Variants in INTS14 observed in about 807,000 individuals in gnomAD.
INTS14 encodes the protein integrator complex subunit 14, also known as UPF0464 protein C15orf44.
INTS14 carries 27 observed loss-of-function variants against 56.9 expected under a neutral mutation model. The observed-to-expected ratio is 0.47, with a 90% CI of 0.35 to 0.65. The LOEUF is 0.65. INTS14 is among the 30% of genes least tolerant of loss of function. The pLI is 0.00. For missense variants in INTS14, 517 were observed against 632.2 expected (o/e 0.82, Z 1.95); for synonymous variants, 207 against 236.2 (o/e 0.88, Z 1.13).
intron 8 of INTS14, among the ~76,000 whole-genome samples, chr15:65,592,948 A>G (rs772653923): frequency 1.6e-4 from 25 of 152,088 alleles, no homozygotes; most frequent in Non-Finnish European, 2.9e-4. Context: ...GGGATGATTA[A>G]AAGAGTAGTT....
intron 2 of INTS14, among the ~76,000 whole-genome samples, chr15:65,605,935 T>A (rs1054166510): frequency 6.6e-5 from 10 of 152,094 alleles, no homozygotes; most frequent in African/African-American, 1.4e-4. Flanking sequence ...CTAATTTTTT[T>A]AAAAAAAGCT....
At chr15:65,602,303 T>G (rs1330443381) in intron 3 of INTS14, among the ~76,000 whole-genome samples, 1 of 136,440 alleles carries the variant, frequency 7.3e-6, no homozygotes, top group African/African-American at 2.8e-5. Flanking sequence ...TTTTTTTTTT[T>G]AAGACAGAGT....
chr15:65,608,840 T>A (rs2073749253), intron 1 of INTS14, among the ~76,000 whole-genome samples: 1 of 152,222 alleles, frequency 6.6e-6, no homozygotes, highest in Non-Finnish European at 1.5e-5. Flanking sequence ...GTAGCCAGAT[T>A]ACTTGTTTAA....
At chr15:65,590,147 G>A (rs1462554805) in intron 9 of INTS14, among the ~76,000 whole-genome samples, 2 of 152,028 alleles carry the variant, frequency 1.3e-5, no homozygotes, top group African/African-American at 4.8e-5. Context: ...CCACGGTCTG[G>A]CTCTCATCTT....
At chr15:65,596,781 G>C (rs889779850) in intron 6 of INTS14, among the ~76,000 whole-genome samples, 2 of 152,082 alleles carry the variant, frequency 1.3e-5, no homozygotes, top group Non-Finnish European at 2.9e-5. Context: ...TGTTGGTCAG[G>C]CTGGTCTCCC....
intron 3 of INTS14, among the ~76,000 whole-genome samples, chr15:65,601,598 C>T (rs370276123): frequency 1.4e-4 from 22 of 152,174 alleles, no homozygotes; most frequent in African/African-American, 5.1e-4. Context: ...GCCTCGGCCT[C>T]CCAAAGTGCT....
chr15:65,595,373 A>G (rs2073175573), intron 7 of INTS14, among the ~76,000 whole-genome samples: 1 of 152,246 alleles, frequency 6.6e-6, no homozygotes, highest in African/African-American at 2.4e-5. Context: ...CCGTGTATAA[A>G]GCTGTATTTG....
Position 65,598,740 on chromosome 15 carries a change from T to C in INTS14, c.605+132A>G, listed in dbSNP as rs139762990. ...AAAAAACCATTACTACCCATCACTT[T>C]ATCTGAAAAATGTACAACTTGGGGA... is the stretch of plus-strand genomic sequence containing the variant. On this transcript the variant is annotated intron_variant, in intron 5 of 11. Transcript: ENST00000313182. The C allele has an allele frequency of 1.7e-3, 1,429 of 830,088 alleles. 10 individuals are homozygous for C. The African/African-American group carries it at 0.022, about 13-fold the overall frequency. The allele number at this position is 830,088 out of a possible 1,614,324, so 51.4% of individuals were successfully genotyped here.
At chr15:65,591,215 G>A (rs372852968) in intron 9 of INTS14, among the ~76,000 whole-genome samples, 150 of 152,036 alleles carry the variant, frequency 9.9e-4, no homozygotes, top group African/African-American at 3.5e-3. Flanking sequence ...AAGTCAAATC[G>A]GTACCAGAAG....
chr15:65,606,403 T>G lies in INTS14; in HGVS notation c.222+756A>C, dbSNP rs375300192. Among the ~76,000 whole-genome samples the G allele has an allele frequency of 2.7e-3, 414 of 152,032 alleles. 1 individual carries two copies. Among genetic ancestry groups the G allele is most frequent in the Middle Eastern group, 0.01 (3 of 294 alleles). On this transcript the variant is annotated intron_variant, in intron 2 of 11. Transcript: ENST00000313182. ...TGTTCAGTTTAATTCCACAAATGCT[T>G]CTTCTTTTTTTTTTTCCTTCTTTTT...
chr15:65,609,912 T>C (rs1215638785), intron 1 of INTS14, among the ~76,000 whole-genome samples: 1 of 152,156 alleles, frequency 6.6e-6, no homozygotes, highest in African/African-American at 2.4e-5. Context: ...AAGACACCTC[T>C]GGAGCTGGCT....
intron 7 of INTS14, 77 bp downstream of exon 7, chr15:65,595,656 C>T: frequency 8.5e-7 from 1 of 1,178,738 alleles, no homozygotes; most frequent in East Asian, 2.5e-5. Context: ...GCAAAATGGG[C>T]TATCCTACTA....
chr15:65,580,615 A>G (rs927670452), intron 11 of INTS14, among the ~76,000 whole-genome samples: 1 of 152,206 alleles, frequency 6.6e-6, no homozygotes, highest in African/African-American at 2.4e-5. Context: ...CAGTGACATA[A>G]AGGTAATGAG....
chr15:65,595,875 A>G, intron 6 of INTS14, 50 bp from the exon 7 acceptor site: 1 of 1,384,614 alleles, frequency 7.2e-7, no homozygotes, highest in Non-Finnish European at 1.0e-6. Context: ...GGAAAAGTAC[A>G]TTATTTTCCA....
chr15:65,579,415 C>A lies in INTS14; in HGVS notation c.1550G>T (p.Arg517Ile), dbSNP rs2072494445. The change falls in exon 12 of 12, where the codon AGA (arginine) becomes ATA (isoleucine). Residue 517 changes from arginine (R) to isoleucine (I), a missense_variant. Transcript: ENST00000313182. ...AAGCTCCAAAAGTCAGTTTCAAATT[C>A]TTTCAGTGCTGCTCCCAGAGAAGTC... ...HTDFSGSSTERI is the reference protein window; with the variant it reads ...HTDFSGSSTEII The A allele has an allele frequency of 2.5e-6, 4 of 1,606,876 alleles. No homozygotes were observed. Among genetic ancestry groups the A allele is most frequent in the Non-Finnish European group, 3.4e-6 (4 of 1,174,680 alleles).
chr15:65,601,070 C>T (rs372396493), intron 3 of INTS14, among the ~76,000 whole-genome samples: 232 of 152,298 alleles, frequency 1.5e-3, no homozygotes, highest in African/African-American at 4.2e-3. Context: ...ACAAACTCTA[C>T]GCCTGGTCAA....
chr15:65,590,762 C>T (rs548337004), intron 9 of INTS14, among the ~76,000 whole-genome samples: 1 of 152,296 alleles, frequency 6.6e-6, no homozygotes, highest in South Asian at 2.1e-4. Flanking sequence ...ATCCCTTAGG[C>T]CTGGCACAGA....
chr15:65,602,120 C>A (rs2073456546), intron 3 of INTS14, among the ~76,000 whole-genome samples: 1 of 151,980 alleles, frequency 6.6e-6, no homozygotes, highest in Non-Finnish European at 1.5e-5. Flanking sequence ...TCCTGCAGTC[C>A]CAGCTACTCA....
intron 10 of INTS14, among the ~76,000 whole-genome samples, chr15:65,582,861 C>G (rs1333841765): frequency 3.3e-5 from 5 of 151,746 alleles, no homozygotes; most frequent in African/African-American, 1.2e-4. Context: ...AAAGACAAAC[C>G]CAATTAAAAA....
Sources: gnomAD v4.1 joint callset for allele counts (sites outside exome capture counted in the v4.1 genomes callset) on GRCh38, gnomAD v4.1.1 for gene constraint, MANE v1.5 for transcripts, NCBI Gene and HGNC (gene_info 2026-07-23, HGNC 2026-07-21) for gene names.